Variants in ADAMTS16 observed in about 807,000 individuals in gnomAD.
The protein encoded by ADAMTS16 is A disintegrin and metalloproteinase with thrombospondin motifs 16.
ADAMTS16 carries 94 observed loss-of-function variants against 145.8 expected under a neutral mutation model. The observed-to-expected ratio is 0.64, with a 90% confidence interval of 0.55 to 0.77. The LOEUF is 0.77. Among genes scored for constraint, ADAMTS16 ranks in the 30% least tolerant of loss-of-function variants. The pLI, the probability that ADAMTS16 is intolerant of heterozygous loss-of-function variation, is 0.00. For missense variants in ADAMTS16, 1,585 were observed against 1,591.5 expected, an observed-to-expected ratio of 1.00 and a Z score of 0.07; for synonymous variants, 659 against 604.3, an observed-to-expected ratio of 1.09 and a Z score of -1.33.
Position 5,209,257 on chromosome 5 carries a change from A to G in ADAMTS16, c.1605+11A>G, listed in dbSNP as rs1414176892. On this transcript the variant is annotated intron_variant, in intron 10 of 22. Coordinates refer to ENST00000274181, the MANE Select transcript of ADAMTS16 (RefSeq NM_139056.4). ...CTGGACTTTAAAAAGGCAAGTGATT[A>G]TTGGCACATGCTCAATGCAACATGA... 1 of 1,613,224 alleles carries G rather than the reference A, an allele frequency of 6.2e-7. No homozygotes were observed. Among genetic ancestry groups the G allele is most frequent in the Non-Finnish European group, 8.5e-7 (1 of 1,179,550 alleles).
At chr5:5,207,579 G>A (rs889733732) in intron 9 of ADAMTS16, among the ~76,000 whole-genome samples, 1 of 152,114 alleles carries the variant, frequency 6.6e-6, no homozygotes, top group Non-Finnish European at 1.5e-5. Flanking sequence ...AATGTTGAAA[G>A]GGAGTGGTAA....
rs1193968598 is a variant in ADAMTS16 at position 5,189,992 on chromosome 5, C to T, written c.1069C>T (p.His357Tyr). 1.9e-6 allele frequency: 3 copies of T among 1,610,772 alleles called. No homozygotes were observed. The highest frequency in any genetic ancestry group is 2.2e-5 in the East Asian group (1 of 44,756). The change falls in exon 7 of 23, where the codon CAC becomes TAC. Residue 357 changes from histidine to tyrosine, a missense_variant. By Grantham distance (83) the His-to-Tyr change is moderately conservative (BLOSUM62 2). Coordinates refer to ENST00000274181, the MANE Select transcript of ADAMTS16 (RefSeq NM_139056.4). ...ACAGCCAGGACTGGTGATAAGTCAC[C>T]ACGCAGACCACACCTTAAGTAGCTT... The part of the protein sequence containing the change: ...DEQPGLVISH[H>Y]ADHTLSSFCQ...
intron 18 of ADAMTS16, among the ~76,000 whole-genome samples, chr5:5,268,924 G>A (rs766452914): frequency 7.2e-5 from 11 of 151,958 alleles, no homozygotes; most frequent in African/African-American, 2.2e-4. Context: ...TGCGCTCCCC[G>A]ACCCCACAAC....
At chr5:5,191,145 G>A (rs1735653031) in intron 7 of ADAMTS16, among the ~76,000 whole-genome samples, 2 of 152,258 alleles carry the variant, frequency 1.3e-5, no homozygotes, top group Admixed American at 1.3e-4. Context: ...TGTTTCCCCC[G>A]ACTTCTGCCC....
intron 2 of ADAMTS16, among the ~76,000 whole-genome samples, chr5:5,143,004 T>A (rs1295031012): frequency 6.6e-6 from 1 of 152,188 alleles, no homozygotes; most frequent in Non-Finnish European, 1.5e-5. Flanking sequence ...GCTAGCCATA[T>A]GAAGAAAACC....
intron 8 of ADAMTS16, among the ~76,000 whole-genome samples, chr5:5,195,455 T>C (rs1735776813): frequency 6.6e-6 from 1 of 152,204 alleles, no homozygotes; most frequent in Admixed American, 6.5e-5. Flanking sequence ...ATCAGCACAG[T>C]GCTACCACAG....
chr5:5,175,706 C>T (rs534652765), intron 3 of ADAMTS16, among the ~76,000 whole-genome samples: 113 of 152,314 alleles, frequency 7.4e-4, no homozygotes, highest in African/African-American at 2.4e-3. Flanking sequence ...TCTGACCCTC[C>T]AGCTTGCCCT....
Position 5,187,188 on chromosome 5 carries a change from G to A in ADAMTS16, c.964-537G>A, listed in dbSNP as rs563225007. 3.3e-5 allele frequency among the ~76,000 whole-genome samples: 5 copies of A among 152,322 alleles called. No homozygotes were observed. The South Asian group carries it at 1.0e-3, about 32-fold the overall frequency. On this transcript the variant is annotated intron_variant, in intron 5 of 22. Transcript: ENST00000274181. ...CGCAGCGCAGTGGCAAATCACTTCA[G>A]GTTACATTCCATGGTGGACGTGCTG...
At chr5:5,253,621 A>C (rs906113760) in intron 17 of ADAMTS16, among the ~76,000 whole-genome samples, 1 of 152,102 alleles carries the variant, frequency 6.6e-6, no homozygotes, top group Non-Finnish European at 1.5e-5. Flanking sequence ...GGTTTTCATC[A>C]ATGCAACCCG....
chr5:5,249,376 G>A (rs1367746950), intron 17 of ADAMTS16, among the ~76,000 whole-genome samples: 4 of 152,134 alleles, frequency 2.6e-5, no homozygotes, highest in African/African-American at 9.7e-5. Context: ...ACTGGATAAT[G>A]GAAACACGGA....
intron 4 of ADAMTS16, among the ~76,000 whole-genome samples, chr5:5,183,372 C>T (rs945816520): frequency 9.9e-5 from 15 of 152,206 alleles, no homozygotes; most frequent in Admixed American, 2.6e-4. Context: ...CTGCCGTGAC[C>T]GGCAGGTCAG....
intron 21 of ADAMTS16, among the ~76,000 whole-genome samples, chr5:5,312,134 G>A (rs1740478355): frequency 6.6e-6 from 1 of 152,098 alleles, no homozygotes; most frequent in South Asian, 2.1e-4. Flanking sequence ...GGAACCCGGG[G>A]AGAAGCAGCT....
intron 18 of ADAMTS16, among the ~76,000 whole-genome samples, chr5:5,301,421 T>A (rs777790949): frequency 1.3e-5 from 2 of 152,192 alleles, no homozygotes; most frequent in Non-Finnish European, 2.9e-5. Context: ...AAAACTTGCA[T>A]ATACTGCCTG....
chr5:5,305,690 C>G (rs1336109833), intron 20 of ADAMTS16, among the ~76,000 whole-genome samples: 1 of 152,208 alleles, frequency 6.6e-6, no homozygotes, highest in Non-Finnish European at 1.5e-5. Flanking sequence ...AAGGTCAGGA[C>G]CTGGGCAGGT....
chr5:5,210,027 G>A (rs2126317340), intron 10 of ADAMTS16, among the ~76,000 whole-genome samples: 1 of 152,232 alleles, frequency 6.6e-6, no homozygotes, highest in East Asian at 1.9e-4. Context: ...CTAAAGTCAA[G>A]CAGAGCTCCC....
chr5:5,279,467 C>G (rs558385182), intron 18 of ADAMTS16, among the ~76,000 whole-genome samples: 1 of 152,084 alleles, frequency 6.6e-6, no homozygotes, highest in Admixed American at 6.6e-5. Context: ...TTTACTTATT[C>G]CTGGTCTCTT....
chr5:5,206,911 T>C lies in ADAMTS16; in HGVS notation c.1452-2182T>C, dbSNP rs368558238. Among the ~76,000 whole-genome samples the C allele has an allele frequency of 3.9e-5, 6 of 152,256 alleles. No individual in the cohort carries two copies. In the East Asian group the frequency reaches 9.6e-4, roughly 24 times the overall value. ...TGACTATATTTATGTGGGTGGATTA[T>C]TGGCCTTTCTATACTGTTCCACTGA... On this transcript the variant is annotated intron_variant, in intron 9 of 22. Transcript: ENST00000274181.
chr5:5,217,098 G>A lies in ADAMTS16; in HGVS notation c.1606-5691G>A, dbSNP rs1736460331. Among the ~76,000 whole-genome samples the A allele has an allele frequency of 2.0e-5, 3 of 152,096 alleles. No homozygotes were observed. In the South Asian group the frequency reaches 6.2e-4, roughly 32 times the overall value. ...ACAAACTGAGAAAAACAAGCAATGG[G>A]GAAAGGATTCCCTATTTAATAAATG... On this transcript the variant is annotated intron_variant, in intron 10 of 22. Coordinates refer to ENST00000274181, the MANE Select transcript of ADAMTS16 (RefSeq NM_139056.4).
chr5:5,202,883 T>C (rs1005456910), intron 9 of ADAMTS16, among the ~76,000 whole-genome samples: 2 of 152,212 alleles, frequency 1.3e-5, no homozygotes, highest in Admixed American at 6.5e-5. Context: ...GGAAAGAAGA[T>C]AATTACATGC....
Sources: allele counts gnomAD v4.1 joint callset (sites outside exome capture counted in the v4.1 genomes callset), GRCh38; gene constraint gnomAD v4.1.1; transcripts MANE v1.5; gene names NCBI Gene and HGNC (gene_info 2026-07-23, HGNC 2026-07-21).